The following AQR variants were observed in gnomAD, a reference collection of about 807,000 sequenced individuals.
AQR encodes the protein aquarius intron-binding spliceosomal factor, also known as RNA helicase aquarius.
A neutral mutation model predicts 180.5 loss-of-function variants in AQR; 61 were observed. The ratio of observed to expected loss-of-function variants is 0.34; its 90% CI spans 0.28 to 0.42. The LOEUF is 0.42. AQR is among the 10% of genes least tolerant of loss of function. The probability of loss-of-function intolerance (pLI) is 1.00; values close to 1 mark genes in which losing one functional copy is unlikely to be tolerated. For synonymous variants in AQR, 551 were observed against 588.8 expected, an observed-to-expected ratio of 0.94 and a Z score of 0.93; for missense variants, 1,281 against 1,798.3, an observed-to-expected ratio of 0.71 and a Z score of 5.20.
intron 17 of AQR, among the ~76,000 whole-genome samples, chr15:34,909,028 G>T (rs960836007): frequency 1.3e-5 from 2 of 152,190 alleles, no homozygotes; most frequent in Non-Finnish European, 2.9e-5. Context: ...AAGGATACAA[G>T]GGTTATAAAA....
rs748894591 is a variant in AQR, at chr15:34,874,709, A to C, written c.3393T>G (p.Val1131=). The part of the protein sequence containing the change: ...TRFVRVGVPT[V]DLDAQGRARA... Reference sequence around the variant, plus strand: ...TGGCTCTCCCTTGAGCATCAAGGTCAACAGTCGGAACTCCAACGCGAACAA... The same window carrying C: ...TGGCTCTCCCTTGAGCATCAAGGTCCACAGTCGGAACTCCAACGCGAACAA... Residue 1131 remains valine, a synonymous_variant, in exon 29 of 35, where the codon GTT becomes GTG. Transcript: ENST00000156471. 1 of 1,613,744 alleles carries C rather than the reference A, an allele frequency of 6.2e-7. No individual in the cohort carries two copies.
intron 3 of AQR, among the ~76,000 whole-genome samples, chr15:34,957,407 T>A (rs1160570653): frequency 6.6e-6 from 1 of 151,932 alleles, no homozygotes; most frequent in Non-Finnish European, 1.5e-5. Context: ...AGAAGTGTAC[T>A]TGGAAATAAA....
rs1250226005 is a variant in AQR, at chr15:34,855,001, C to T, written c.*1791G>A. The T allele has an allele frequency of 1.3e-5, 2 of 152,236 alleles. No individual in the cohort carries two copies. Among genetic ancestry groups the T allele is most frequent in the Non-Finnish European group, 2.9e-5 (2 of 68,052 alleles). The allele number at this position is 152,236 out of a possible 1,614,324, so 9.4% of individuals were successfully genotyped here. On this transcript the variant is annotated 3_prime_UTR_variant, in exon 35 of 35. Transcript: ENST00000156471. Reference sequence around the variant, plus strand: ...CCCATACAGATGCCCACAGCACCTGCTTTCAAAATCTTTTATCGGAGAAAT... The same window carrying T: ...CCCATACAGATGCCCACAGCACCTGTTTTCAAAATCTTTTATCGGAGAAAT...
intron 34 of AQR, among the ~76,000 whole-genome samples, chr15:34,858,392 G>C (rs149720173): frequency 0.015 from 2,290 of 149,716 alleles, 29 homozygotes; most frequent in Non-Finnish European, 0.024. Context: ...ATATGTGTAA[G>C]GTTTGTATGT....
In AQR at chr15:34,935,084, C is replaced by CGT. The variant is rs771119542; in HGVS notation, c.719-450_719-449insAC. Among the ~76,000 whole-genome samples, 24 of 152,216 alleles carry CGT rather than the reference C, an allele frequency of 1.6e-4. 6 individuals are homozygous for CGT. Among genetic ancestry groups the CGT allele is most frequent in the East Asian group, 3.9e-4 (2 of 5,178 alleles). Reference sequence around the variant, plus strand: ...ACACATACGTATATGTACACACACACACCTTTAAAGTGCACTGAAAATTAG... The same window carrying CGT: ...ACACATACGTATATGTACACACACACGTACCTTTAAAGTGCACTGAAAATTAG... On this transcript the variant is annotated intron_variant, in intron 9 of 34. Coordinates refer to ENST00000156471, the MANE Select transcript of AQR (RefSeq NM_014691.3).
intron 10 of AQR, among the ~76,000 whole-genome samples, chr15:34,933,057 G>A (rs1324805611): frequency 6.6e-6 from 1 of 152,156 alleles, no homozygotes; most frequent in Non-Finnish European, 1.5e-5. Context: ...AATATATACC[G>A]TGTGTATGTT....
chr15:34,898,522 G>A (rs1007404066), intron 20 of AQR, among the ~76,000 whole-genome samples: 1 of 152,160 alleles, frequency 6.6e-6, no homozygotes, highest in African/African-American at 2.4e-5. Context: ...GGTGAGACAG[G>A]GAGGAAAGAT....
chr15:34,903,863 T>TC (rs1259828376), intron 19 of AQR, among the ~76,000 whole-genome samples: 9 of 80,288 alleles, frequency 1.1e-4, no homozygotes, highest in Admixed American at 1.0e-3. Context: ...CCACCAAACC[T>TC]CCCTTTCCTA....
rs982231588 is a variant in AQR, at chr15:34,855,514, T to C, written c.*1278A>G. 2.8e-4 allele frequency: 40 copies of C among 145,378 alleles called. No homozygotes were observed. Among genetic ancestry groups the C allele is most frequent in the African/African-American group, 9.9e-4 (39 of 39,528 alleles). The allele number at this position is 145,378 out of a possible 1,614,324, so 9.0% of individuals were successfully genotyped here. A position where few individuals can be genotyped will look rare whatever the true frequency, so the allele number is the denominator to read the frequency against. On this transcript the variant is annotated 3_prime_UTR_variant, in exon 35 of 35. Coordinates refer to ENST00000156471, the MANE Select transcript of AQR (RefSeq NM_014691.3). ...AGTGGGCAATTTTCCCCTCTACACA[T>C]ACATATAAACATTTCCTTTTTTTTT... is the stretch of plus-strand genomic sequence containing the variant.
At chr15:34,901,183 C>A (rs1218718362) in intron 19 of AQR, among the ~76,000 whole-genome samples, 1 of 152,060 alleles carries the variant, frequency 6.6e-6, no homozygotes, top group African/African-American at 2.4e-5. Flanking sequence ...CAGGTGGACA[C>A]AGCAGTAAAA....
Position 34,874,834 on chromosome 15 carries a change from G to T in AQR, c.3268C>A (p.Arg1090=). The T allele has an allele frequency of 6.2e-7, 1 of 1,613,660 alleles. No individual in the cohort carries two copies. The highest frequency in any genetic ancestry group is 8.5e-7 in the Non-Finnish European group (1 of 1,179,764). ...TGATGATCGCCAATCATAATCCATC[G>T]TTTTAGTCGGCTAAATCCATCCTGA... is the stretch of plus-strand genomic sequence containing the variant. The part of the protein sequence containing the change: ...NPQDGFSRLK[R]WIMIGDHHQL... The change falls in exon 29 of 35, where the codon CGA becomes AGA. Residue 1090 remains arginine (R), a synonymous_variant. Transcript: ENST00000156471.
chr15:34,877,597 G>A (rs1053939837), intron 27 of AQR, among the ~76,000 whole-genome samples: 13 of 152,132 alleles, frequency 8.5e-5, no homozygotes. Flanking sequence ...AAAACAGAGT[G>A]GGGGCAACTC....
chr15:34,968,777 A>G (rs1467392899), intron 1 of AQR, among the ~76,000 whole-genome samples: 1 of 152,212 alleles, frequency 6.6e-6, no homozygotes, highest in Non-Finnish European at 1.5e-5. Flanking sequence ...AGAATGTAGA[A>G]ATGTAGGGAC....
chr15:34,902,147 C>T (rs1893341667), intron 19 of AQR, among the ~76,000 whole-genome samples: 1 of 152,024 alleles, frequency 6.6e-6, no homozygotes, highest in Admixed American at 6.6e-5. Context: ...TGTGAAGGAG[C>T]TTTGATTTAT....
At chr15:34,857,192 T>C (rs1413906171) in intron 34 of AQR, 86 bp from the exon 35 acceptor site, 3 of 1,301,760 alleles carry the variant, frequency 2.3e-6, no homozygotes, top group Non-Finnish European at 3.1e-6. Flanking sequence ...TCTAGAGTTC[T>C]CCAAAACAGT....
intron 19 of AQR, among the ~76,000 whole-genome samples, chr15:34,902,315 A>C (rs1050961273): frequency 6.6e-6 from 1 of 152,164 alleles, no homozygotes; most frequent in Non-Finnish European, 1.5e-5. Flanking sequence ...GCAAAAAATA[A>C]AGTATCCAGA....
At chr15:34,909,149 G>C (rs1893461149) in intron 17 of AQR, among the ~76,000 whole-genome samples, 1 of 152,180 alleles carries the variant, frequency 6.6e-6, no homozygotes, top group Admixed American at 6.5e-5. Context: ...ATTATAAACA[G>C]CTACACTGGT....
chr15:34,897,646 T>C lies in AQR; in HGVS notation c.2303A>G (p.Asp768Gly). ...GGTTTTTGCTTCCTCGGTGTCTTCATCTTCCACATCCGCATCTTTCCTTTT... is the reference window on the plus strand; with the variant it reads ...GGTTTTTGCTTCCTCGGTGTCTTCACCTTCCACATCCGCATCTTTCCTTTT... ...GKKRKDADVE[D>G]EDTEEAKTLI... The change falls in exon 21 of 35, where the codon GAT becomes GGT. Residue 768 changes from aspartate to glycine, a missense_variant. Coordinates refer to ENST00000156471, the MANE Select transcript of AQR (RefSeq NM_014691.3). 1 of 1,614,132 alleles carries C rather than the reference T, an allele frequency of 6.2e-7. No individual in the cohort carries two copies. Among genetic ancestry groups the C allele is most frequent in the South Asian group, 1.1e-5 (1 of 91,074 alleles).
chr15:34,966,869 C>CTTTT (rs148912380), intron 1 of AQR, among the ~76,000 whole-genome samples: 6 of 67,068 alleles, frequency 8.9e-5, no homozygotes, highest in African/African-American at 2.4e-4. Context: ...CCACCCTGGC[C>CTTTT]TTTTTTTTTT....
Sources: gnomAD v4.1 joint callset for allele counts (sites outside exome capture counted in the v4.1 genomes callset) on GRCh38, gnomAD v4.1.1 for gene constraint, MANE v1.5 for transcripts, NCBI Gene and HGNC (gene_info 2026-07-23, HGNC 2026-07-21) for gene names.